Variants in REC114 observed in about 807,000 individuals in gnomAD.
REC114 encodes the protein meiotic recombination protein REC114.
REC114 carries 27 observed loss-of-function variants against 31.3 expected under a neutral mutation model. The ratio of observed to expected loss-of-function variants is 0.86; its 90% CI spans 0.64 to 1.19. The LOEUF is 1.19. Ranked by LOEUF, REC114 falls within the 50% of genes most tolerant of loss-of-function variation. REC114 has a pLI of 0.00. For missense variants in REC114, 344 were observed against 326.9 expected (o/e 1.05, Z -0.40); for synonymous variants, 134 against 127.7 (o/e 1.05, Z -0.33).
intron 2 of REC114, among the ~76,000 whole-genome samples, chr15:73,505,614 C>T (rs192087327): frequency 1.3e-5 from 2 of 152,232 alleles, no homozygotes; most frequent in Non-Finnish European, 2.9e-5. Context: ...TCACTGCAAG[C>T]TCTGCCTCCT....
chr15:73,499,041 T>C (rs186825996), intron 2 of REC114, among the ~76,000 whole-genome samples: 1 of 152,234 alleles, frequency 6.6e-6, no homozygotes, highest in Admixed American at 6.5e-5. Flanking sequence ...CTGACTTGTT[T>C]GCAGAATGGT....
intron 2 of REC114, among the ~76,000 whole-genome samples, chr15:73,494,862 G>A (rs890235884): frequency 1.3e-5 from 2 of 152,192 alleles, no homozygotes. Context: ...TGGAAAGTTA[G>A]CGTATATATC....
chr15:73,553,319 C>G (rs1246931097), intron 4 of REC114, among the ~76,000 whole-genome samples: 3 of 152,158 alleles, frequency 2.0e-5, no homozygotes, highest in African/African-American at 7.2e-5. Context: ...CTCACAAACC[C>G]TGGATCTAGT....
Position 73,551,575 on chromosome 15 carries a change from T to C in REC114, c.546+425T>C, listed in dbSNP as rs1023485185. 2.6e-5 allele frequency among the ~76,000 whole-genome samples: 4 copies of C among 152,190 alleles called. No individual in the cohort carries two copies. The South Asian group carries it at 6.2e-4, about 24-fold the overall frequency. On this transcript the variant is annotated intron_variant, in intron 4 of 5. Coordinates refer to ENST00000331090, the MANE Select transcript of REC114 (RefSeq NM_001042367.2). ...AGGCAGTGGCACCAAACTGTACTAA[T>C]AGTCATCATGTTCCAATCATTCGCA...
chr15:73,447,236 G>A (rs1438715979), intron 1 of REC114, among the ~76,000 whole-genome samples: 1 of 152,174 alleles, frequency 6.6e-6, no homozygotes, highest in Non-Finnish European at 1.5e-5. Context: ...TACTGAATAG[G>A]TGGTTGGGTA....
intron 4 of REC114, among the ~76,000 whole-genome samples, chr15:73,552,903 C>T (rs1894411777): frequency 6.6e-6 from 1 of 152,176 alleles, no homozygotes; most frequent in South Asian, 2.1e-4. Flanking sequence ...GCAACCTGGC[C>T]TCCCAGGTTC....
At chr15:73,466,756 TTAAA>T (rs1409943806) in intron 1 of REC114, among the ~76,000 whole-genome samples, 1 of 152,248 alleles carries the variant, frequency 6.6e-6, no homozygotes, top group Non-Finnish European at 1.5e-5. Flanking sequence ...TTTGCACTTA[TTAAA>T]TAAGTTACAT....
chr15:73,557,905 T>G (rs1431666674), intron 5 of REC114, among the ~76,000 whole-genome samples: 1 of 152,244 alleles, frequency 6.6e-6, no homozygotes, highest in Non-Finnish European at 1.5e-5. Flanking sequence ...TTTAATATTA[T>G]GTTAGCTATA....
chr15:73,556,114 A>C (rs1250954723), intron 4 of REC114, among the ~76,000 whole-genome samples, 188 bp from the exon 5 acceptor site: 1 of 152,170 alleles, frequency 6.6e-6, no homozygotes, highest in Non-Finnish European at 1.5e-5. Flanking sequence ...TAAACTCAGT[A>C]CTTCTGCTGT....
At chr15:73,515,413 T>G (rs1893843961) in intron 2 of REC114, among the ~76,000 whole-genome samples, 1 of 152,144 alleles carries the variant, frequency 6.6e-6, no homozygotes, top group Non-Finnish European at 1.5e-5. Flanking sequence ...CTGCAGTTAT[T>G]GTATTGGTGA....
chr15:73,469,109 C>T (rs189099291), intron 1 of REC114, among the ~76,000 whole-genome samples: 12 of 152,174 alleles, frequency 7.9e-5, no homozygotes, highest in Non-Finnish European at 1.3e-4. Flanking sequence ...CAATAAATGT[C>T]GATCAATCAT....
chr15:73,486,256 C>T (rs533004436), intron 2 of REC114, among the ~76,000 whole-genome samples: 1 of 152,154 alleles, frequency 6.6e-6, no homozygotes, highest in African/African-American at 2.4e-5. Context: ...CACCACCATG[C>T]CCAGCTAATT....
intron 1 of REC114, among the ~76,000 whole-genome samples, chr15:73,469,456 C>T (rs1893104226): frequency 2.0e-5 from 3 of 151,920 alleles, no homozygotes; most frequent in South Asian, 2.1e-4. Context: ...CTCTGTTACC[C>T]AGGCCTCTGG....
At chr15:73,547,161 T>C (rs1392456023) in intron 3 of REC114, among the ~76,000 whole-genome samples, 1 of 152,070 alleles carries the variant, frequency 6.6e-6, no homozygotes, top group East Asian at 1.9e-4. Context: ...AACAAGGGAT[T>C]AGTAACCAGA....
intron 3 of REC114, among the ~76,000 whole-genome samples, chr15:73,540,857 C>T (rs1894228964): frequency 6.6e-6 from 1 of 152,110 alleles, no homozygotes; most frequent in African/African-American, 2.4e-5. Flanking sequence ...TGGAGTACAT[C>T]ATTTGTCTTG....
At chr15:73,500,855 G>A (rs1893595508) in intron 2 of REC114, among the ~76,000 whole-genome samples, 1 of 150,444 alleles carries the variant, frequency 6.6e-6, no homozygotes, top group Non-Finnish European at 1.5e-5. Context: ...TTTATAAATA[G>A]CATTTGATCT....
intron 4 of REC114, among the ~76,000 whole-genome samples, chr15:73,553,726 A>G (rs1894424065): frequency 6.6e-6 from 1 of 152,238 alleles, no homozygotes; most frequent in Non-Finnish European, 1.5e-5. Context: ...CTGATGTTAA[A>G]GACTGGTCCC....
chr15:73,448,546 G>T (rs1389502300), intron 1 of REC114, among the ~76,000 whole-genome samples: 1 of 152,208 alleles, frequency 6.6e-6, no homozygotes, highest in Non-Finnish European at 1.5e-5. Flanking sequence ...AGAGCACCTG[G>T]AGGAAGGGGT....
chr15:73,477,338 T>C (rs1342762988), intron 2 of REC114, among the ~76,000 whole-genome samples: 1 of 152,220 alleles, frequency 6.6e-6, no homozygotes, highest in Non-Finnish European at 1.5e-5. Context: ...AAGTTAAAAA[T>C]TTTGAAGTTC....
Sources: allele counts gnomAD v4.1 joint callset (sites outside exome capture counted in the v4.1 genomes callset), GRCh38; gene constraint gnomAD v4.1.1; transcripts MANE v1.5; gene names NCBI Gene and HGNC (gene_info 2026-07-23, HGNC 2026-07-21).